The following CCDC150 variants were observed in gnomAD, a reference collection of about 807,000 sequenced individuals.
The protein encoded by CCDC150 is coiled-coil domain-containing protein 150.
A neutral mutation model predicts 156.5 loss-of-function variants in CCDC150; 151 were observed. That is an observed-to-expected ratio of 0.97 (90% CI 0.85 to 1.10). The LOEUF (loss-of-function observed/expected upper bound fraction) is 1.10. CCDC150 is among the 50% of genes least tolerant of loss of function. The pLI is 0.00. For synonymous variants in CCDC150, 452 were observed against 429.4 expected, an observed-to-expected ratio of 1.05 and a Z score of -0.65; for missense variants, 1,312 against 1,268.1, an observed-to-expected ratio of 1.03 and a Z score of -0.53.
At chr2:196,684,872 TTAC>T (rs1309691056) in intron 13 of CCDC150, among the ~76,000 whole-genome samples, 1 of 152,136 alleles carries the variant, frequency 6.6e-6, no homozygotes, top group Non-Finnish European at 1.5e-5. Flanking sequence ...TCTTTTTAGA[TTAC>T]TGTTTAATTT....
intron 14 of CCDC150, among the ~76,000 whole-genome samples, chr2:196,699,392 G>A (rs1001364687): frequency 1.3e-5 from 2 of 152,254 alleles, no homozygotes; most frequent in Middle Eastern, 3.4e-3. Flanking sequence ...TATATTAAAG[G>A]TGTATGATTT....
At chr2:196,648,398 A>AT (rs1400850550) in intron 2 of CCDC150, among the ~76,000 whole-genome samples, 1 of 151,924 alleles carries the variant, frequency 6.6e-6, no homozygotes. Context: ...GATGTTGAGT[A>AT]TTTTTTTAAT....
At chr2:196,707,840 T>C (rs1010165892) in intron 15 of CCDC150, among the ~76,000 whole-genome samples, 1 of 152,214 alleles carries the variant, frequency 6.6e-6, no homozygotes, top group Non-Finnish European at 1.5e-5. Context: ...AGTTTCTTAA[T>C]GCTAATTTGA....
chr2:196,682,695 C>T (rs984388613), intron 13 of CCDC150, among the ~76,000 whole-genome samples: 3 of 151,992 alleles, frequency 2.0e-5, no homozygotes, highest in African/African-American at 7.2e-5. Flanking sequence ...TCATTTCATT[C>T]AGTGTTGTGT....
In CCDC150 at chr2:196,703,686, T is replaced by C. The variant is rs554589339; in HGVS notation, c.1695+2506T>C. On this transcript the variant is annotated intron_variant, in intron 15 of 27. Coordinates refer to ENST00000389175, the MANE Select transcript of CCDC150 (RefSeq NM_001080539.2). ...GAAAAATGAAATATATTATGAAATA[T>C]ATAAGACAAATCCCAGGCTCTCATG... is the stretch of plus-strand genomic sequence containing the variant. Among the ~76,000 whole-genome samples, 3 of 152,312 alleles carry C rather than the reference T, an allele frequency of 2.0e-5. No homozygotes were observed. In the East Asian group the frequency reaches 5.8e-4, roughly 29 times the overall value.
At chr2:196,671,427 CTTTTTTTTT>C (rs397987214) in intron 8 of CCDC150, among the ~76,000 whole-genome samples, 1 of 108,612 alleles carries the variant, frequency 9.2e-6, no homozygotes, top group African/African-American at 3.2e-5. Flanking sequence ...TTTTCTCTCT[CTTTTTTTTT>C]TTTTTTTTTT....
intron 22 of CCDC150, chr2:196,727,006 G>C (rs940524865): frequency 6.6e-6 from 1 of 152,170 alleles, no homozygotes. Flanking sequence ...ATGGAGGCTC[G>C]AGAAAACTAT....
intron 5 of CCDC150, among the ~76,000 whole-genome samples, chr2:196,659,829 A>G (rs933554369): frequency 6.6e-6 from 1 of 152,192 alleles, no homozygotes; most frequent in Non-Finnish European, 1.5e-5. Context: ...ATATTGAGCC[A>G]TCATTTAGTG....
chr2:196,641,088 G>C (rs959948848), intron 1 of CCDC150, among the ~76,000 whole-genome samples: 2 of 152,060 alleles, frequency 1.3e-5, no homozygotes, highest in Non-Finnish European at 2.9e-5. Context: ...TCAGCCATCC[G>C]AGTAGCTGAA....
chr2:196,646,412 A>T lies in CCDC150; in HGVS notation c.84A>T (p.Thr28=). ...PTHINATASE[T]FTVLQQRMRI... The stretch of plus-strand genomic sequence containing the variant: ...ACATCAACGCTACAGCTTCTGAAAC[A>T]TTCACAGTACTTCAGCAAAGGATGA... Residue 28 remains threonine, a synonymous_variant, in exon 2 of 28, where the codon ACA becomes ACT. Transcript: ENST00000389175. 1 of 1,613,908 alleles carries T rather than the reference A, an allele frequency of 6.2e-7. No homozygotes were observed. Among genetic ancestry groups the T allele is most frequent in the Non-Finnish European group, 8.5e-7 (1 of 1,179,776 alleles).
chr2:196,661,103 G>A (rs950664111), intron 5 of CCDC150, among the ~76,000 whole-genome samples: 5 of 152,110 alleles, frequency 3.3e-5, no homozygotes, highest in African/African-American at 1.2e-4. Flanking sequence ...TACTGGGGAA[G>A]TCTTATTCTT....
In CCDC150 at chr2:196,719,630, G is replaced by A. The variant is rs753108186; in HGVS notation, c.2129G>A (p.Arg710Gln). 136 of 1,611,710 alleles carry A rather than the reference G, an allele frequency of 8.4e-5. 1 individual carries two copies. Among genetic ancestry groups the A allele is most frequent in the South Asian group, 1.1e-4 (10 of 90,596 alleles). Residue 710 changes from arginine to glutamine, a missense_variant, in exon 19 of 28, where the codon CGG becomes CAG. Transcript: ENST00000389175. ...ALEKVQIELG[R>Q]RDSEIAGLKK... ...GAGAAAGTACAAATAGAGCTTGGGC[G>A]GAGGGATTCAGAGATTGCAGGCCTC... is the stretch of plus-strand genomic sequence containing the variant.
chr2:196,720,543 G>A (rs762210346), intron 19 of CCDC150, 32 bp from the exon 20 acceptor site: 3 of 1,567,492 alleles, frequency 1.9e-6, no homozygotes, highest in Admixed American at 1.7e-5. Flanking sequence ...ATTCTTTTCT[G>A]TAGTCACTCT....
At chr2:196,715,363 G>A (rs1245137569) in intron 17 of CCDC150, among the ~76,000 whole-genome samples, 2 of 152,122 alleles carry the variant, frequency 1.3e-5, no homozygotes, top group Non-Finnish European at 2.9e-5. Flanking sequence ...AAGAGTATAT[G>A]TAATATTTTA....
At chr2:196,689,497 C>T (rs1286124507) in intron 13 of CCDC150, among the ~76,000 whole-genome samples, 1 of 151,620 alleles carries the variant, frequency 6.6e-6, no homozygotes, top group African/African-American at 2.4e-5. Flanking sequence ...ATTTTATTCT[C>T]TTTGAAGCAA....
At chr2:196,660,697 G>A (rs1035652871) in intron 5 of CCDC150, among the ~76,000 whole-genome samples, 11 of 152,122 alleles carry the variant, frequency 7.2e-5, no homozygotes, top group Admixed American at 5.9e-4. Context: ...GTATATTTTG[G>A]ATACCAGTCC....
intron 23 of CCDC150, 79 bp downstream of exon 23, chr2:196,729,466 T>TTC (rs1217963288): frequency 3.6e-6 from 5 of 1,404,340 alleles, no homozygotes; most frequent in Non-Finnish European, 5.0e-6. Context: ...GGAAGACAGG[T>TTC]TTTAGAACCC....
intron 15 of CCDC150, among the ~76,000 whole-genome samples, chr2:196,710,237 GCCAGGCT>G (rs1307394209): frequency 6.6e-6 from 1 of 152,218 alleles, no homozygotes; most frequent in Non-Finnish European, 1.5e-5. Flanking sequence ...CCCTCCCCAT[GCCAGGCT>G]GCTGCCTCAG....
At chr2:196,661,383 G>A (rs946045066) in intron 5 of CCDC150, among the ~76,000 whole-genome samples, 8 of 152,152 alleles carry the variant, frequency 5.3e-5, no homozygotes, top group South Asian at 2.1e-4. Flanking sequence ...GCAGGTGTCC[G>A]CCTTCTAACT....
Sources: gnomAD v4.1 joint callset for allele counts (sites outside exome capture counted in the v4.1 genomes callset) on GRCh38, gnomAD v4.1.1 for gene constraint, MANE v1.5 for transcripts, NCBI Gene and HGNC (gene_info 2026-07-23, HGNC 2026-07-21) for gene names.